The following UGT1A7 variants were observed in gnomAD, a reference collection of about 807,000 sequenced individuals.
The protein encoded by UGT1A7 is UDP-glucuronosyltransferase 1A7.
Under a neutral mutation model 45.6 loss-of-function variants are expected in UGT1A7, and 33 were observed. The observed-to-expected ratio is 0.72, with a 90% CI of 0.55 to 0.97. UGT1A7 has a LOEUF of 0.97. UGT1A7 is among the 50% of genes least tolerant of loss of function. The probability of loss-of-function intolerance (pLI) is 0.00; values close to 1 mark genes in which losing one functional copy is unlikely to be tolerated. For synonymous variants in UGT1A7, 274 were observed against 250.6 expected, an observed-to-expected ratio of 1.09 and a Z score of -0.88; for missense variants, 684 against 666.2, an observed-to-expected ratio of 1.03 and a Z score of -0.29.
At chr2:233,688,219 T>A (rs10175809) in intron 1 of UGT1A7, among the ~76,000 whole-genome samples, 59,115 of 152,104 alleles carry the variant, frequency 0.39, 11,692 homozygotes, top group South Asian at 0.45. Context: ...TTGTGGCTTA[T>A]CCATGTTGTA....
chr2:233,713,899 A>G, intron 1 of UGT1A7: 3 of 1,613,038 alleles, frequency 1.9e-6, no homozygotes, highest in Non-Finnish European at 2.5e-6. Flanking sequence ...TTCCAGGCAA[A>G]ACACTTTTTA....
At chr2:233,755,174 G>A (rs868590389) in intron 1 of UGT1A7, 74 of 1,248,738 alleles carry the variant, frequency 5.9e-5, no homozygotes, top group Non-Finnish European at 7.6e-5. Flanking sequence ...GGTTTTTGTC[G>A]GGGTGCCACT....
chr2:233,693,725 G>A (rs1435366760), intron 1 of UGT1A7: 1 of 1,614,208 alleles, frequency 6.2e-7, no homozygotes, highest in African/African-American at 1.3e-5. Context: ...CAAGAGAGAT[G>A]TGGATATAAT....
At chr2:233,706,071 G>A (rs901833161) in intron 1 of UGT1A7, among the ~76,000 whole-genome samples, 11 of 152,040 alleles carry the variant, frequency 7.2e-5, no homozygotes, top group Non-Finnish European at 1.6e-4. Flanking sequence ...TGCCAGCCTG[G>A]GTGACAGAGC....
At chr2:233,685,100 A>G (rs1174006549) in intron 1 of UGT1A7, among the ~76,000 whole-genome samples, 5 of 152,270 alleles carry the variant, frequency 3.3e-5, no homozygotes, top group African/African-American at 1.2e-4. Flanking sequence ...CTATAACAAA[A>G]TCTTATTGAG....
Position 233,768,364 on chromosome 2 carries a change from G to T in UGT1A7, c.1220G>T (p.Gly407Val). 1 of 1,614,172 alleles carries T rather than the reference G, an allele frequency of 6.2e-7. No homozygotes were observed. Among genetic ancestry groups the T allele is most frequent in the Non-Finnish European group, 8.5e-7 (1 of 1,180,034 alleles). ...NAKRMETKGA[G>V]VTLNVLEMTS... ...AAGCGCATGGAGACTAAGGGAGCTG[G>T]AGTGACCCTGAATGTTCTGGAAATG... Residue 407 changes from glycine to valine, a missense_variant, in exon 4 of 5, where the codon GGA (glycine) becomes GTA (valine). Coordinates refer to ENST00000373426, the MANE Select transcript of UGT1A7 (RefSeq NM_019077.3).
chr2:233,746,269 G>A (rs1473358649), intron 1 of UGT1A7, among the ~76,000 whole-genome samples: 3 of 151,774 alleles, frequency 2.0e-5, no homozygotes, highest in South Asian at 2.1e-4. Flanking sequence ...ACAAAACGCT[G>A]TGGGGATTCA....
At chr2:233,713,323 C>T (rs758064318) in intron 1 of UGT1A7, 21 of 1,614,222 alleles carry the variant, frequency 1.3e-5, no homozygotes, top group Non-Finnish European at 1.7e-6. Context: ...ATGAAATTTT[C>T]TAGAAGAATG....
chr2:233,770,939 G>A (rs923528747), intron 4 of UGT1A7: 1 of 152,144 alleles, frequency 6.6e-6, no homozygotes, highest in African/African-American at 2.4e-5. Context: ...TTGGCTGCCG[G>A]GGGAACCTCA....
At chr2:233,726,124 C>T (rs1256965753) in intron 1 of UGT1A7, among the ~76,000 whole-genome samples, 1 of 152,176 alleles carries the variant, frequency 6.6e-6, no homozygotes, top group Non-Finnish European at 1.5e-5. Flanking sequence ...CATGTTCACA[C>T]CACCTCACTC....
intron 1 of UGT1A7, among the ~76,000 whole-genome samples, chr2:233,715,756 A>G (rs1346820897): frequency 1.3e-5 from 2 of 152,236 alleles, no homozygotes; most frequent in East Asian, 1.9e-4. Context: ...TGAGTGACAG[A>G]GCGAGGACCC....
chr2:233,713,391 A>T (rs373895890), intron 1 of UGT1A7: 1 of 1,614,152 alleles, frequency 6.2e-7, no homozygotes, highest in South Asian at 1.1e-5. Flanking sequence ...GCTACTGCAT[A>T]ATGAGGCCCT....
chr2:233,738,821 A>G (rs1039985874), intron 1 of UGT1A7: 3 of 152,270 alleles, frequency 2.0e-5, no homozygotes, highest in African/African-American at 7.2e-5. Context: ...AATTTGAATA[A>G]ATAAGGAGGA....
Position 233,746,504 on chromosome 2 carries a change from C to T in UGT1A7, c.856-20530C>T, listed in dbSNP as rs747424626. 1.1e-4 allele frequency among the ~76,000 whole-genome samples: 17 copies of T among 151,868 alleles called. 1 individual carries two copies. Among genetic ancestry groups the T allele is most frequent in the East Asian group, 5.8e-4 (3 of 5,180 alleles). Reference sequence around the variant, plus strand: ...CCATGGACATGTCACTCTTTAGTAGCCCCCAAAGCAAGACCATCATATTGC... The same window carrying T: ...CCATGGACATGTCACTCTTTAGTAGTCCCCAAAGCAAGACCATCATATTGC... On this transcript the variant is annotated intron_variant, in intron 1 of 4. Transcript: ENST00000373426.
chr2:233,739,654 C>T (rs1048629610), intron 1 of UGT1A7, among the ~76,000 whole-genome samples: 2 of 152,192 alleles, frequency 1.3e-5, no homozygotes, highest in South Asian at 4.1e-4. Flanking sequence ...AATTTCTGTA[C>T]CCCCATTGTG....
intron 1 of UGT1A7, among the ~76,000 whole-genome samples, chr2:233,749,862 T>G (rs1409437282): frequency 1.3e-5 from 2 of 151,992 alleles, no homozygotes; most frequent in Non-Finnish European, 2.9e-5. Flanking sequence ...TCTCACTTTC[T>G]GCCAGGATTA....
chr2:233,710,037 T>C (rs1170138686), intron 1 of UGT1A7, among the ~76,000 whole-genome samples: 1 of 152,272 alleles, frequency 6.6e-6, no homozygotes, highest in Non-Finnish European at 1.5e-5. Context: ...CTGTTTTGTG[T>C]CTGGCCTCTT....
intron 1 of UGT1A7, among the ~76,000 whole-genome samples, chr2:233,699,874 G>A (rs1440765053): frequency 6.6e-6 from 1 of 152,096 alleles, no homozygotes; most frequent in African/African-American, 2.4e-5. Context: ...GACATTTTTG[G>A]TGTTGCAATT....
chr2:233,739,909 T>C (rs572345956), intron 1 of UGT1A7, among the ~76,000 whole-genome samples: 1 of 151,874 alleles, frequency 6.6e-6, no homozygotes, highest in Non-Finnish European at 1.5e-5. Context: ...TCTCATATTG[T>C]AATTTCCATA....
Sources: allele counts gnomAD v4.1 joint callset (sites outside exome capture counted in the v4.1 genomes callset), GRCh38; gene constraint gnomAD v4.1.1; transcripts MANE v1.5; gene names NCBI Gene and HGNC (gene_info 2026-07-23, HGNC 2026-07-21).